Variants in EYS observed in about 807,000 individuals in gnomAD.
The protein encoded by EYS is protein eyes shut homolog.
Under a neutral mutation model 282.1 loss-of-function variants are expected in EYS, and 250 were observed. The ratio of observed to expected loss-of-function variants is 0.89; its 90% CI spans 0.80 to 0.98. EYS has a LOEUF of 0.98. Among genes scored for constraint, EYS ranks in the 50% least tolerant of loss-of-function variants. The pLI is 0.00. For missense variants in EYS, 4,016 were observed against 3,709.0 expected (o/e 1.08, Z -2.15); for synonymous variants, 1,355 against 1,282.9 (o/e 1.06, Z -1.20).
At chr6:65,241,803 G>T (rs1001862881) in intron 12 of EYS, among the ~76,000 whole-genome samples, 19 of 152,046 alleles carry the variant, frequency 1.2e-4, no homozygotes, top group Non-Finnish European at 1.5e-4. Context: ...TAAATCAGGT[G>T]TTAGCTTGTA....
In EYS at chr6:64,591,227, T is replaced by C. The variant is rs1010782574; in HGVS notation, c.4640A>G (p.Asp1547Gly). Residue 1547 changes from aspartate (D) to glycine (G), a missense_variant, in exon 26 of 43, where the codon GAT becomes GGT. Physicochemically the swap from Asp to Gly is moderately conservative, Grantham distance 94 (BLOSUM62 -1). Coordinates refer to ENST00000503581, the MANE Select transcript of EYS (RefSeq NM_001142800.2). ...TGTTTGGCTTAATTCTCTTAAAGAA[T>C]CAGCAGCCTGTGATTTGATGTTTGT... is the stretch of plus-strand genomic sequence containing the variant. ...RLTNIKSQAADSLRELSQTCA... is the reference protein window; with the variant it reads ...RLTNIKSQAAGSLRELSQTCA... The C allele has an allele frequency of 2.1e-5, 32 of 1,551,312 alleles. No individual in the cohort carries two copies. In the Admixed American group the frequency reaches 4.9e-4, roughly 24 times the overall value.
At chr6:65,211,538 C>T (rs1766176132) in intron 12 of EYS, among the ~76,000 whole-genome samples, 1 of 151,958 alleles carries the variant, frequency 6.6e-6, no homozygotes, top group African/African-American at 2.4e-5. Flanking sequence ...TCTTCTCTAA[C>T]TCTGAGGTAT....
At chr6:65,573,575 G>A (rs1179158018) in intron 2 of EYS, among the ~76,000 whole-genome samples, 1 of 152,172 alleles carries the variant, frequency 6.6e-6, no homozygotes, top group African/African-American at 2.4e-5. Flanking sequence ...CAGGTATTCT[G>A]TGCAAAACCT....
chr6:65,112,997 G>A (rs1399548971), intron 12 of EYS, among the ~76,000 whole-genome samples: 2 of 151,968 alleles, frequency 1.3e-5, no homozygotes, highest in South Asian at 2.1e-4. Flanking sequence ...AAAATGAATT[G>A]CGATAGCATG....
intron 30 of EYS, among the ~76,000 whole-genome samples, chr6:64,275,722 C>T (rs1184576652): frequency 6.0e-5 from 9 of 151,024 alleles, no homozygotes; most frequent in African/African-American, 1.7e-4. Flanking sequence ...TTTGGGAGGC[C>T]GAGGCGGGCG....
intron 26 of EYS, among the ~76,000 whole-genome samples, chr6:64,552,869 A>C (rs1457553753): frequency 1.3e-5 from 2 of 151,908 alleles, no homozygotes; most frequent in African/African-American, 2.4e-5. Context: ...CTGTGAGCAG[A>C]GATCACGCCA....
At chr6:65,180,511 A>G (rs1765350079) in intron 12 of EYS, among the ~76,000 whole-genome samples, 1 of 152,132 alleles carries the variant, frequency 6.6e-6, no homozygotes, top group African/African-American at 2.4e-5. Context: ...GACGTGAAGG[A>G]CCTCTTCAAG....
chr6:63,746,703 T>C (rs1039665404), intron 41 of EYS, among the ~76,000 whole-genome samples: 6 of 152,226 alleles, frequency 3.9e-5, no homozygotes, highest in African/African-American at 1.4e-4. Context: ...ATTTTTCCAG[T>C]TTATTTGCAT....
chr6:64,153,217 T>C (rs550275173), intron 31 of EYS, among the ~76,000 whole-genome samples: 95 of 152,280 alleles, frequency 6.2e-4, no homozygotes, highest in Non-Finnish European at 1.2e-3. Context: ...TTAAATTTTT[T>C]GTGCATAGTC....
rs562255002 is a variant in EYS, at chr6:64,827,289, T to A, written c.2993-4467A>T. Among the ~76,000 whole-genome samples the A allele has an allele frequency of 7.9e-5, 12 of 152,000 alleles. No individual in the cohort carries two copies. The South Asian group carries it at 2.5e-3, about 31-fold the overall frequency. On this transcript the variant is annotated intron_variant, in intron 19 of 42. Coordinates refer to ENST00000503581, the MANE Select transcript of EYS (RefSeq NM_001142800.2). The stretch of plus-strand genomic sequence containing the variant: ...TATTTGAGGTCTTACAAAATTCTAG[T>A]TAATTTTAAATATTCCTTTTGATAT...
intron 2 of EYS, among the ~76,000 whole-genome samples, chr6:65,523,355 C>A (rs1767442118): frequency 6.6e-6 from 1 of 151,974 alleles, no homozygotes; most frequent in Admixed American, 6.6e-5. Flanking sequence ...CCTGAAAAAA[C>A]AAAGAAATCC....
intron 31 of EYS, among the ~76,000 whole-genome samples, chr6:64,089,551 TACC>T (rs986538272): frequency 2.0e-5 from 3 of 151,024 alleles, no homozygotes; most frequent in Admixed American, 6.6e-5. Flanking sequence ...TAAACTTTTT[TACC>T]ACATTATACA....
At chr6:65,487,674 T>C (rs868057295) in intron 5 of EYS, among the ~76,000 whole-genome samples, 1 of 152,186 alleles carries the variant, frequency 6.6e-6, no homozygotes, top group Non-Finnish European at 1.5e-5. Context: ...GGTATCAGGA[T>C]GATGCTGGCC....
At chr6:65,107,010 C>A (rs1440223746) in intron 12 of EYS, among the ~76,000 whole-genome samples, 1 of 151,974 alleles carries the variant, frequency 6.6e-6, no homozygotes, top group Non-Finnish European at 1.5e-5. Context: ...CCCCGCTCCT[C>A]CCAGCCAGCA....
At chr6:64,950,110 C>A (rs1168605848) in intron 14 of EYS, among the ~76,000 whole-genome samples, 1 of 151,764 alleles carries the variant, frequency 6.6e-6, no homozygotes, top group East Asian at 1.9e-4. Context: ...GGAGGAAGAG[C>A]AAGAGAATCC....
chr6:64,310,996 G>C (rs1470521130), intron 29 of EYS, among the ~76,000 whole-genome samples: 2 of 151,982 alleles, frequency 1.3e-5, no homozygotes, highest in Non-Finnish European at 2.9e-5. Flanking sequence ...TTATAATGGT[G>C]ATAGTTGATA....
At chr6:64,006,628 T>TA in intron 33 of EYS, among the ~76,000 whole-genome samples, 1 of 152,266 alleles carries the variant, frequency 6.6e-6, no homozygotes, top group East Asian at 1.9e-4. Flanking sequence ...GTGGATTTGT[T>TA]ATCAATGGCT....
At chr6:65,428,497 C>G (rs1767748934) in intron 5 of EYS, among the ~76,000 whole-genome samples, 1 of 148,568 alleles carries the variant, frequency 6.7e-6, no homozygotes, top group Non-Finnish European at 1.5e-5. Context: ...TAGTCACTGT[C>G]ATTAAACTCA....
At chr6:65,446,965 T>C (rs1253340186) in intron 5 of EYS, among the ~76,000 whole-genome samples, 2 of 151,696 alleles carry the variant, frequency 1.3e-5, no homozygotes, top group Middle Eastern at 3.2e-3. Flanking sequence ...AGTTATCAAT[T>C]ATTAAAGACT....
Sources: allele counts gnomAD v4.1 joint callset (sites outside exome capture counted in the v4.1 genomes callset), GRCh38; gene constraint gnomAD v4.1.1; transcripts MANE v1.5; gene names NCBI Gene and HGNC (gene_info 2026-07-23, HGNC 2026-07-21).